Variants in MET observed in about 807,000 individuals in gnomAD.
The protein encoded by MET is hepatocyte growth factor receptor.
MET carries 48 observed loss-of-function variants against 133.1 expected under a neutral mutation model. The ratio of observed to expected loss-of-function variants is 0.36; its 90% CI spans 0.29 to 0.46. The LOEUF (loss-of-function observed/expected upper bound fraction) is 0.46, where lower values mean the gene tolerates loss of function less well. MET is among the 20% of genes least tolerant of loss of function. The pLI is 1.00. For synonymous variants in MET, 628 were observed against 616.5 expected, an observed-to-expected ratio of 1.02 and a Z score of -0.28; for missense variants, 1,442 against 1,695.9, an observed-to-expected ratio of 0.85 and a Z score of 2.63.
intron 3 of MET, 103 bp from the exon 4 acceptor site, chr7:116,739,847 A>T: frequency 6.5e-7 from 1 of 1,534,236 alleles, no homozygotes; most frequent in Non-Finnish European, 9.0e-7. Context: ...TCAAACACCC[A>T]CAAGCCCTGC....
intron 1 of MET, 25 bp from the exon 2 acceptor site, chr7:116,699,046 T>C (rs2116576827): frequency 1.2e-6 from 2 of 1,613,502 alleles, no homozygotes; most frequent in Non-Finnish European, 1.7e-6. Flanking sequence ...ACTGAACTGC[T>C]CTCGCCTTGA....
At chr7:116,778,011 C>T (rs552929190) in intron 16 of MET, among the ~76,000 whole-genome samples, 2 of 152,202 alleles carry the variant, frequency 1.3e-5, no homozygotes, top group Admixed American at 1.3e-4. Flanking sequence ...ATAAATGAAA[C>T]CTACCCCTTT....
chr7:116,699,902 C>G lies in MET; in HGVS notation c.818C>G (p.Thr273Ser), dbSNP rs368144654. The G allele has an allele frequency of 8.1e-6, 13 of 1,613,966 alleles. No individual in the cohort carries two copies. Among genetic ancestry groups the G allele is most frequent in the Non-Finnish European group, 1.1e-5 (13 of 1,179,978 alleles). Residue 273 changes from threonine (T) to serine (S), a missense_variant, in exon 2 of 21, where the codon ACT becomes AGT. Physicochemically the swap from Thr to Ser is moderately conservative, Grantham distance 58 (BLOSUM62 1). Around this residue, in one of 6 missense-constraint regions of MET, gnomAD observed 762 missense variants for 792.4 expected, o/e 0.96. Coordinates refer to ENST00000397752, the MANE Select transcript of MET (RefSeq NM_000245.4). ...CAAAGGGAAACTCTAGATGCTCAGA[C>G]TTTTCACACAAGAATAATCAGGTTC... Reference protein sequence around the residue: ...TVQRETLDAQTFHTRIIRFCS... With the variant: ...TVQRETLDAQSFHTRIIRFCS...
At chr7:116,767,088 G>A (rs1318134586) in intron 11 of MET, among the ~76,000 whole-genome samples, 1 of 152,098 alleles carries the variant, frequency 6.6e-6, no homozygotes, top group African/African-American at 2.4e-5. Context: ...CCCTCAGCCT[G>A]GCTGAGTCCT....
intron 14 of MET, among the ~76,000 whole-genome samples, chr7:116,773,716 T>A (rs1794904227): frequency 6.6e-6 from 1 of 152,146 alleles, no homozygotes; most frequent in Admixed American, 6.6e-5. Flanking sequence ...GCTCTTGTCT[T>A]TTTTCTGGCT....
chr7:116,726,583 G>T (rs1200409365), intron 2 of MET, among the ~76,000 whole-genome samples: 1 of 152,062 alleles, frequency 6.6e-6, no homozygotes, highest in East Asian at 1.9e-4. Flanking sequence ...GCAAGGAATG[G>T]GTGTCAGTGA....
chr7:116,755,327 T>A, intron 5 of MET, 28 bp from the exon 6 acceptor site: 1 of 1,613,032 alleles, frequency 6.2e-7, no homozygotes, highest in Non-Finnish European at 8.5e-7. Flanking sequence ...TATTGGGTTT[T>A]TTTAAAAGTT....
intron 17 of MET, among the ~76,000 whole-genome samples, chr7:116,780,760 A>G (rs1189364030): frequency 1.3e-5 from 2 of 152,164 alleles, no homozygotes; most frequent in African/African-American, 2.4e-5. Flanking sequence ...CACTGACTAC[A>G]TCTTGCACTG....
chr7:116,741,708 G>A (rs1031346143), intron 5 of MET, among the ~76,000 whole-genome samples: 3 of 152,166 alleles, frequency 2.0e-5, no homozygotes, highest in Admixed American at 1.3e-4. Flanking sequence ...AAAAGCAAAG[G>A]CTCAACGGAT....
At chr7:116,685,557 G>A (rs1305467807) in intron 1 of MET, among the ~76,000 whole-genome samples, 9 of 151,998 alleles carry the variant, frequency 5.9e-5, no homozygotes, top group African/African-American at 1.7e-4. Context: ...GTGGTGATGT[G>A]TGCCTGTAAT....
At chr7:116,706,069 G>C (rs748841205) in intron 2 of MET, among the ~76,000 whole-genome samples, 1 of 152,012 alleles carries the variant, frequency 6.6e-6, no homozygotes, top group African/African-American at 2.4e-5. Context: ...AAAAGCAAAG[G>C]CATGATGTTT....
intron 3 of MET, among the ~76,000 whole-genome samples, chr7:116,732,519 C>A (rs993917843): frequency 2.0e-5 from 3 of 152,134 alleles, no homozygotes; most frequent in Non-Finnish European, 4.4e-5. Flanking sequence ...AAAAGACTCT[C>A]TTGTTGGGTT....
In MET at chr7:116,682,207, T is replaced by G. The variant is rs547348808; in HGVS notation, c.-15+9630T>G. ...TCCCAGACAGTTTCATTAATGACAA[T>G]GAAAGGTGACAGCCCTTGAATCTAT... On this transcript the variant is annotated intron_variant, in intron 1 of 20. Coordinates refer to ENST00000397752, the MANE Select transcript of MET (RefSeq NM_000245.4). 5.9e-5 allele frequency among the ~76,000 whole-genome samples: 9 copies of G among 152,314 alleles called. No individual in the cohort carries two copies. In the South Asian group the frequency reaches 8.3e-4, roughly 14 times the overall value.
intron 6 of MET, 60 bp from the exon 7 acceptor site, chr7:116,757,376 AC>A: frequency 7.2e-7 from 1 of 1,387,904 alleles, no homozygotes; most frequent in Non-Finnish European, 1.0e-6. Context: ...TTCCTATAAA[AC>A]AACCTAACCA....
intron 5 of MET, among the ~76,000 whole-genome samples, chr7:116,741,427 T>C (rs1262663317): frequency 6.6e-6 from 1 of 152,208 alleles, no homozygotes; most frequent in Non-Finnish European, 1.5e-5. Flanking sequence ...CGCCACTTCC[T>C]ATATAGGCCA....
intron 18 of MET, 148 bp from the exon 19 acceptor site, chr7:116,783,156 G>C: frequency 3.6e-6 from 3 of 839,354 alleles, no homozygotes; most frequent in Non-Finnish European, 5.8e-6. Flanking sequence ...TTGTAATTTA[G>C]TGTTAGTCAA....
chr7:116,674,155 T>G (rs1394308434), intron 1 of MET, among the ~76,000 whole-genome samples: 1 of 152,222 alleles, frequency 6.6e-6, no homozygotes, highest in African/African-American at 2.4e-5. Context: ...TTTTTCAAAA[T>G]TGCTTTGTTC....
chr7:116,679,738 CTCTA>C (rs1299734798), intron 1 of MET, among the ~76,000 whole-genome samples: 1 of 152,104 alleles, frequency 6.6e-6, no homozygotes, highest in Non-Finnish European at 1.5e-5. Flanking sequence ...CATCTTTGAA[CTCTA>C]TTGTGTCGGG....
intron 2 of MET, among the ~76,000 whole-genome samples, chr7:116,716,476 A>AGAAAGAAT: frequency 1.6e-5 from 1 of 63,588 alleles, no homozygotes; most frequent in African/African-American, 7.6e-5. Flanking sequence ...AGAGAAAGAA[A>AGAAAGAAT]GAAAGAAAGA....
Sources: allele counts gnomAD v4.1 joint callset (sites outside exome capture counted in the v4.1 genomes callset), GRCh38; gene constraint gnomAD v4.1.1; regional missense constraint gnomAD v4.1.1; transcripts MANE v1.5; gene names NCBI Gene and HGNC (gene_info 2026-07-23, HGNC 2026-07-21).